HSD17B11: variants seen among roughly 807,000 people sequenced by gnomAD.
HSD17B11 encodes the protein hydroxysteroid 17-beta dehydrogenase 11.
HSD17B11 carries 22 observed loss-of-function variants against 27.8 expected under a neutral mutation model. That is an observed-to-expected ratio of 0.79 (90% CI 0.56 to 1.13). The LOEUF is 1.13. Among genes scored for constraint, HSD17B11 ranks in the 50% most tolerant of loss-of-function variants. The pLI, the probability that HSD17B11 is intolerant of heterozygous loss-of-function variation, is 0.00. For missense variants in HSD17B11, 314 were observed against 351.1 expected, an observed-to-expected ratio of 0.89 and a Z score of 0.84; for synonymous variants, 117 against 132.8, an observed-to-expected ratio of 0.88 and a Z score of 0.82.
chr4:87,337,425 AC>A lies in HSD17B11; in HGVS notation c.813-60del, dbSNP rs1321223876. On this transcript the variant is annotated intron_variant, in intron 6 of 6. Coordinates refer to ENST00000358290, the MANE Select transcript of HSD17B11 (RefSeq NM_016245.5). ...TTAATATTAAGTGCATTTGTAGAATACCCTCTTTAGAAATACTTTTAAGTTA... is the reference window on the plus strand; with the variant it reads ...TTAATATTAAGTGCATTTGTAGAATACCTCTTTAGAAATACTTTTAAGTTA... 5.3e-6 allele frequency: 5 copies of A among 940,522 alleles called. No homozygotes were observed. In the African/African-American group the frequency reaches 8.3e-5, roughly 16 times the overall value. 58.3% of individuals were successfully genotyped at this position (940,522 alleles called of 1,614,324 possible).
intron 4 of HSD17B11, among the ~76,000 whole-genome samples, chr4:87,369,102 T>G (rs1735662293): frequency 6.6e-6 from 1 of 152,242 alleles, no homozygotes; most frequent in Non-Finnish European, 1.5e-5. Context: ...TTAACATTTC[T>G]GCATGGTGAA....
intron 5 of HSD17B11, among the ~76,000 whole-genome samples, chr4:87,342,698 A>T (rs1236245615): frequency 6.6e-6 from 1 of 152,216 alleles, no homozygotes; most frequent in Non-Finnish European, 1.5e-5. Context: ...TCCATGAAGG[A>T]GAGTAGAGCT....
rs1578051012 is a variant in HSD17B11 at position 87,391,105 on chromosome 4, T to G, written c.-35A>C. 1.3e-6 allele frequency: 2 copies of G among 1,532,784 alleles called. No individual in the cohort carries two copies. The highest frequency in any genetic ancestry group is 1.8e-6 in the Non-Finnish European group (2 of 1,129,726). The allele number at this position is 1,532,784 out of a possible 1,614,324, so 94.9% of individuals were successfully genotyped here. A position where few individuals can be genotyped will look rare whatever the true frequency, so the allele number is the denominator to read the frequency against. On this transcript the variant is annotated 5_prime_UTR_variant, in exon 1 of 7. Coordinates refer to ENST00000358290, the MANE Select transcript of HSD17B11 (RefSeq NM_016245.5). ...GGCTGCGAGCGTTTGGTGTGTTTTT[T>G]TTTTTTTTTACCACTCTAAACTGCT...
chr4:87,389,122 A>G (rs1388137224), intron 1 of HSD17B11, among the ~76,000 whole-genome samples: 1 of 152,224 alleles, frequency 6.6e-6, no homozygotes, highest in African/African-American at 2.4e-5. Context: ...GTGTCTGACT[A>G]TATCACCATG....
chr4:87,347,169 A>T (rs1735291551), intron 5 of HSD17B11, among the ~76,000 whole-genome samples: 1 of 57,366 alleles, frequency 1.7e-5, no homozygotes, highest in Non-Finnish European at 2.9e-5. Context: ...ACATGTGCAC[A>T]TTGTGCAGGT....
intron 4 of HSD17B11, among the ~76,000 whole-genome samples, chr4:87,357,889 AT>A (rs1354762539): frequency 2.0e-5 from 3 of 147,184 alleles, no homozygotes; most frequent in Non-Finnish European, 4.5e-5. Flanking sequence ...TTATATAGTA[AT>A]TTTCAGTTTT....
chr4:87,341,405 C>G (rs1735165103), intron 5 of HSD17B11, among the ~76,000 whole-genome samples: 1 of 152,158 alleles, frequency 6.6e-6, no homozygotes, highest in African/African-American at 2.4e-5. Context: ...CTCCTGGACT[C>G]AAGTGATCCG....
intron 5 of HSD17B11, among the ~76,000 whole-genome samples, chr4:87,341,534 C>T (rs902510237): frequency 5.9e-5 from 9 of 152,098 alleles, no homozygotes; most frequent in African/African-American, 2.2e-4. Context: ...GTATATGTAC[C>T]ACAGACTAGC....
At chr4:87,378,913 T>TAA (rs1720032182) in intron 2 of HSD17B11, among the ~76,000 whole-genome samples, 3 of 13,844 alleles carry the variant, frequency 2.2e-4, no homozygotes, top group African/African-American at 1.6e-3. Context: ...TAAATATATA[T>TAA]ATATAAATAT....
At chr4:87,353,265 G>C (rs1201372999) in intron 5 of HSD17B11, among the ~76,000 whole-genome samples, 3 of 151,908 alleles carry the variant, frequency 2.0e-5, no homozygotes, top group Non-Finnish European at 4.4e-5. Context: ...TGGGCCAAAG[G>C]GTATATAACT....
intron 2 of HSD17B11, 44 bp from the exon 3 acceptor site, chr4:87,374,874 G>A: frequency 6.8e-7 from 1 of 1,462,902 alleles, no homozygotes; most frequent in Non-Finnish European, 9.3e-7. Flanking sequence ...TAAGAGGTAT[G>A]AGGGTAAGTT....
intron 2 of HSD17B11, among the ~76,000 whole-genome samples, chr4:87,381,781 A>G (rs930091242): frequency 2.0e-5 from 3 of 151,872 alleles, no homozygotes; most frequent in Non-Finnish European, 4.4e-5. Flanking sequence ...AAAAAAGAGA[A>G]AAGAAAAGAA....
chr4:87,374,517 C>T (rs1735781378), intron 3 of HSD17B11, 182 bp downstream of exon 3: 1 of 466,530 alleles, frequency 2.1e-6, no homozygotes, highest in Non-Finnish European at 3.8e-6. Context: ...TTAATGTTGT[C>T]AGTGAGGAAG....
At chr4:87,346,961 T>C (rs921494897) in intron 5 of HSD17B11, among the ~76,000 whole-genome samples, 10 of 151,840 alleles carry the variant, frequency 6.6e-5, no homozygotes, top group Non-Finnish European at 1.5e-4. Context: ...AAAAAAATAA[T>C]TGGAACACCT....
intron 5 of HSD17B11, among the ~76,000 whole-genome samples, chr4:87,342,660 G>A (rs1180834850): frequency 6.6e-6 from 1 of 152,210 alleles, no homozygotes; most frequent in East Asian, 1.9e-4. Context: ...GTATAATATT[G>A]TATTTAAAAG....
intron 1 of HSD17B11, among the ~76,000 whole-genome samples, chr4:87,382,565 G>C (rs1720204951): frequency 6.6e-6 from 1 of 152,112 alleles, no homozygotes; most frequent in Non-Finnish European, 1.5e-5. Context: ...ATTTGGAGCT[G>C]AATTTAAAGC....
At chr4:87,382,386 A>G in intron 1 of HSD17B11, 24 bp from the exon 2 acceptor site, 1 of 1,439,682 alleles carries the variant, frequency 6.9e-7, no homozygotes, top group Non-Finnish European at 9.8e-7. Flanking sequence ...AAAAGAGGGC[A>G]AGGTAATAAT....
chr4:87,338,661 G>A (rs1434496340), intron 6 of HSD17B11, among the ~76,000 whole-genome samples: 1 of 152,024 alleles, frequency 6.6e-6, no homozygotes, highest in Non-Finnish European at 1.5e-5. Flanking sequence ...TCAGCCTCCT[G>A]AGTAGCTGGT....
At chr4:87,378,579 C>T (rs923216360) in intron 2 of HSD17B11, among the ~76,000 whole-genome samples, 7 of 150,578 alleles carry the variant, frequency 4.6e-5, no homozygotes, top group Non-Finnish European at 7.4e-5. Flanking sequence ...CTGCTCCTTG[C>T]AGAGCAGGGC....
Sources: gnomAD v4.1 joint callset for allele counts (sites outside exome capture counted in the v4.1 genomes callset) on GRCh38, gnomAD v4.1.1 for gene constraint, MANE v1.5 for transcripts, NCBI Gene and HGNC (gene_info 2026-07-23, HGNC 2026-07-21) for gene names.